CSMD1: variants seen among roughly 807,000 people sequenced by gnomAD.
CSMD1 encodes CUB and sushi domain-containing protein 1.
CSMD1 carries 213 observed loss-of-function variants against 417.5 expected under a neutral mutation model. The ratio of observed to expected loss-of-function variants is 0.51; its 90% CI spans 0.46 to 0.57. The LOEUF is 0.57. Ranked by LOEUF, CSMD1 falls within the 20% of genes least tolerant of loss-of-function variation. The pLI is 0.00. For missense variants in CSMD1, 6,923 were observed against 4,529.7 expected (o/e 1.53, Z -15.17); for synonymous variants, 2,862 against 1,736.8 (o/e 1.65, Z -16.11).
At chr8:3,678,050 G>A (rs1196907950) in intron 7 of CSMD1, among the ~76,000 whole-genome samples, 1 of 152,138 alleles carries the variant, frequency 6.6e-6, no homozygotes, top group East Asian at 1.9e-4. Flanking sequence ...GACAGTGGGA[G>A]GGTGGTTCAA....
rs531164085 is a variant in CSMD1 at position 3,544,517 on chromosome 8, G to A, written c.1344+30428C>T. Among the ~76,000 whole-genome samples, 169 of 151,802 alleles carry A rather than the reference G, an allele frequency of 1.1e-3. 1 individual carries two copies. The highest frequency in any genetic ancestry group is 3.9e-3 in the African/African-American group (163 of 41,454). Reference sequence around the variant, plus strand: ...TGACGTTCTGAATAAACTTGCCTTTGCTTTTGCACTGTGGACTCGCCCTGA... The same window carrying A: ...TGACGTTCTGAATAAACTTGCCTTTACTTTTGCACTGTGGACTCGCCCTGA... On this transcript the variant is annotated intron_variant, in intron 10 of 69. Transcript: ENST00000635120.
At chr8:3,740,097 C>A (rs907587750) in intron 6 of CSMD1, among the ~76,000 whole-genome samples, 2 of 152,038 alleles carry the variant, frequency 1.3e-5, no homozygotes, top group African/African-American at 2.4e-5. Context: ...ATTCATTTTA[C>A]AAAATTTTAT....
At chr8:4,682,669 A>G (rs918041375) in intron 1 of CSMD1, among the ~76,000 whole-genome samples, 1 of 151,948 alleles carries the variant, frequency 6.6e-6, no homozygotes, top group Non-Finnish European at 1.5e-5. Context: ...TACAGATCAC[A>G]ATAGTGTACA....
At chr8:2,943,744 G>A (rs993062641) in intron 68 of CSMD1, among the ~76,000 whole-genome samples, 12 of 152,250 alleles carry the variant, frequency 7.9e-5, no homozygotes, top group African/African-American at 2.6e-4. Flanking sequence ...ATTTTGAGAT[G>A]GATTTGGCCT....
chr8:4,003,814 G>C (rs1393782280), intron 4 of CSMD1, among the ~76,000 whole-genome samples: 1 of 150,460 alleles, frequency 6.6e-6, no homozygotes, highest in Admixed American at 6.7e-5. Context: ...TATTGTACGT[G>C]TCTGATATTC....
At chr8:4,261,002 T>C (rs1442822007) in intron 3 of CSMD1, among the ~76,000 whole-genome samples, 1 of 152,216 alleles carries the variant, frequency 6.6e-6, no homozygotes, top group Non-Finnish European at 1.5e-5. Flanking sequence ...ATCATTCAAT[T>C]AAAATACAAA....
chr8:4,588,666 T>C (rs1799828028), intron 2 of CSMD1, among the ~76,000 whole-genome samples: 1 of 151,842 alleles, frequency 6.6e-6, no homozygotes, highest in Non-Finnish European at 1.5e-5. Context: ...GCGCCTTTAG[T>C]CCCAGCTACT....
intron 2 of CSMD1, among the ~76,000 whole-genome samples, chr8:4,486,199 A>G (rs1585152799): frequency 3.6e-4 from 3 of 8,350 alleles, no homozygotes; most frequent in African/African-American, 1.5e-3. Flanking sequence ...ATATATATAT[A>G]CATACATATA....
chr8:3,878,691 G>A (rs1312490886), intron 5 of CSMD1, among the ~76,000 whole-genome samples: 2 of 152,170 alleles, frequency 1.3e-5, no homozygotes, highest in African/African-American at 4.8e-5. Flanking sequence ...TGAGTTGCTA[G>A]TATGTCTGAT....
At chr8:4,365,994 G>A (rs1339377561) in intron 3 of CSMD1, among the ~76,000 whole-genome samples, 2 of 152,106 alleles carry the variant, frequency 1.3e-5, no homozygotes, top group Non-Finnish European at 1.5e-5. Flanking sequence ...ACTGTGTGTT[G>A]TTGAGGCTTG....
At chr8:4,302,760 A>T (rs956097410) in intron 3 of CSMD1, among the ~76,000 whole-genome samples, 1 of 152,162 alleles carries the variant, frequency 6.6e-6, no homozygotes. Context: ...ACTGACCCCA[A>T]CTGAGTCCAG....
chr8:4,796,048 C>T (rs981009446), intron 1 of CSMD1, among the ~76,000 whole-genome samples: 1 of 152,158 alleles, frequency 6.6e-6, no homozygotes, highest in East Asian at 1.9e-4. Flanking sequence ...AAATGTAACA[C>T]TCACCAGGAG....
chr8:4,637,261 A>T (rs1802877712), intron 2 of CSMD1, 81 bp downstream of exon 2: 4 of 1,259,618 alleles, frequency 3.2e-6, no homozygotes, highest in South Asian at 1.4e-5. Context: ...ACACAATAAT[A>T]AAATTTAAAT....
chr8:4,789,484 C>T (rs1419427482), intron 1 of CSMD1, among the ~76,000 whole-genome samples: 2 of 152,180 alleles, frequency 1.3e-5, no homozygotes, highest in African/African-American at 4.8e-5. Context: ...ACCTGGTTTA[C>T]ATTGGATAAA....
At chr8:3,944,626 G>C (rs527607887) in intron 5 of CSMD1, among the ~76,000 whole-genome samples, 2 of 152,084 alleles carry the variant, frequency 1.3e-5, no homozygotes, top group Admixed American at 6.5e-5. Context: ...CACCAACAGA[G>C]ACTTTTCCTT....
At chr8:4,696,498 T>C (rs1332263528) in intron 1 of CSMD1, among the ~76,000 whole-genome samples, 2 of 152,218 alleles carry the variant, frequency 1.3e-5, no homozygotes, top group East Asian at 3.8e-4. Context: ...CAGAGATCTG[T>C]AGAGGAAAAC....
intron 3 of CSMD1, among the ~76,000 whole-genome samples, chr8:4,099,072 T>C (rs1801168709): frequency 6.6e-6 from 1 of 152,146 alleles, no homozygotes; most frequent in South Asian, 2.1e-4. Context: ...TTCTTCTTCA[T>C]TCTAGACATT....
intron 3 of CSMD1, among the ~76,000 whole-genome samples, chr8:4,315,779 A>G (rs762714623): frequency 1.3e-4 from 19 of 146,920 alleles, no homozygotes; most frequent in Admixed American, 1.1e-3. Flanking sequence ...ATTTCAAAAC[A>G]TATTTTGCAT....
chr8:4,447,151 A>G (rs1345680957), intron 2 of CSMD1, among the ~76,000 whole-genome samples: 2 of 152,196 alleles, frequency 1.3e-5, no homozygotes, highest in African/African-American at 4.8e-5. Context: ...GACAAACAAC[A>G]TTTTAATAAA....
Sources: allele counts gnomAD v4.1 joint callset (sites outside exome capture counted in the v4.1 genomes callset), GRCh38; gene constraint gnomAD v4.1.1; transcripts MANE v1.5; gene names NCBI Gene and HGNC (gene_info 2026-07-23, HGNC 2026-07-21).